Variants in SEMA3A observed in about 807,000 individuals in gnomAD.
The protein encoded by SEMA3A is semaphorin-3A.
In SEMA3A, 29 loss-of-function variants were observed where a neutral mutation model predicts 97.9. That is an observed-to-expected ratio of 0.30 (90% confidence interval 0.22 to 0.40). The LOEUF is 0.40. Ranked by LOEUF, SEMA3A falls within the 10% of genes least tolerant of loss-of-function variation. The probability of loss-of-function intolerance (pLI) is 1.00; values close to 1 mark genes in which losing one functional copy is unlikely to be tolerated. For missense variants in SEMA3A, 763 were observed against 951.3 expected (o/e 0.80, Z 2.60); for synonymous variants, 321 against 323.7 (o/e 0.99, Z 0.09).
At chr7:84,048,870 G>A (rs1338798718) in intron 5 of SEMA3A, among the ~76,000 whole-genome samples, 1 of 151,888 alleles carries the variant, frequency 6.6e-6, no homozygotes, top group Non-Finnish European at 1.5e-5. Context: ...GTCTATTCAA[G>A]AGGCAGCTGA....
rs539004251 is a variant in SEMA3A at position 84,421,518 on chromosome 7, T to C, written c.-245-49618A>G. ...TTGAATACTCTTTATTTGTTTCTCT[T>C]GCCTGATTGCCCTGGCCAGAACTTC... On this transcript the variant is annotated intron_variant, in intron 1 of 3. Coordinates refer to the SEMA3A transcript ENST00000424555. Among the ~76,000 whole-genome samples the C allele has an allele frequency of 3.0e-4, 46 of 152,234 alleles. No homozygotes were observed. In the South Asian group the frequency reaches 9.5e-3, roughly 32 times the overall value.
intron 1 of SEMA3A, among the ~76,000 whole-genome samples, chr7:84,174,673 A>C (rs963187154): frequency 2.0e-5 from 3 of 152,228 alleles, no homozygotes; most frequent in African/African-American, 7.2e-5. Flanking sequence ...TCACCTCAAA[A>C]ACAATGAAAG....
chr7:84,173,616 G>A (rs73382839), intron 1 of SEMA3A, among the ~76,000 whole-genome samples: 1,648 of 146,440 alleles, frequency 0.011, 24 homozygotes, highest in African/African-American at 0.04. Flanking sequence ...TTTTTAGAAA[G>A]ATGTATTTGA....
At position 84,440,356 on chromosome 7, in the gene SEMA3A, C is replaced by T. The variant is rs74862737; in HGVS notation, c.-246+52104G>A. On this transcript the variant is annotated intron_variant, in intron 1 of 3. Coordinates refer to the SEMA3A transcript ENST00000424555. ...AGCAGCTGTCCACATGTTCCTGGTG[C>T]AGCTTGAACACAGCTTGTGGAAGCC... Among the ~76,000 whole-genome samples the T allele has an allele frequency of 0.013, 2,051 of 152,266 alleles. 93 individuals carry two copies. In the East Asian group the frequency reaches 0.16, roughly 12 times the overall value.
At chr7:83,998,668 T>C (rs1462235716) in intron 12 of SEMA3A, among the ~76,000 whole-genome samples, 1 of 151,320 alleles carries the variant, frequency 6.6e-6, no homozygotes, top group Non-Finnish European at 1.5e-5. Context: ...TTAAAACTTT[T>C]TGATGCTTTT....
chr7:84,004,265 G>A lies in SEMA3A; in HGVS notation c.1360+1074C>T, dbSNP rs1421794946. ...ATAATATTACTATTAAAAAGAGCTG[G>A]GAAAAAATAAAATAATATATCATAA... On this transcript the variant is annotated intron_variant, in intron 11 of 16. Transcript: ENST00000265362. Among the ~76,000 whole-genome samples the A allele has an allele frequency of 3.3e-5, 5 of 151,346 alleles. No individual in the cohort carries two copies. In the East Asian group the frequency reaches 9.7e-4, roughly 29 times the overall value.
At chr7:84,103,269 G>A (rs1232294438) in intron 4 of SEMA3A, among the ~76,000 whole-genome samples, 1 of 152,010 alleles carries the variant, frequency 6.6e-6, no homozygotes, top group Admixed American at 6.5e-5. Flanking sequence ...TTGGTCCTTA[G>A]TTGGCAGAAT....
intron 1 of SEMA3A, among the ~76,000 whole-genome samples, chr7:84,186,098 A>T (rs1797877092): frequency 6.6e-6 from 1 of 152,188 alleles, no homozygotes; most frequent in African/African-American, 2.4e-5. Flanking sequence ...CTAAAAAGAA[A>T]ATCAAATCCA....
At chr7:84,296,033 C>G (rs373164452) in intron 3 of SEMA3A, among the ~76,000 whole-genome samples, 1 of 152,060 alleles carries the variant, frequency 6.6e-6, no homozygotes, top group African/African-American at 2.4e-5. Context: ...ATCACACAAT[C>G]AAGTTACTAA....
intron 4 of SEMA3A, among the ~76,000 whole-genome samples, chr7:84,079,400 T>A (rs1794071156): frequency 6.7e-6 from 1 of 150,174 alleles, no homozygotes; most frequent in Non-Finnish European, 1.5e-5. Flanking sequence ...GAAACTACCA[T>A]CAGAGTGAAC....
chr7:84,403,657 C>G (rs1237510377), intron 1 of SEMA3A, among the ~76,000 whole-genome samples: 1 of 152,178 alleles, frequency 6.6e-6, no homozygotes, highest in East Asian at 1.9e-4. Context: ...TAGGGGCGGA[C>G]TGACACCTCA....
intron 4 of SEMA3A, among the ~76,000 whole-genome samples, chr7:84,097,467 A>T (rs1189522378): frequency 2.6e-5 from 4 of 152,140 alleles, no homozygotes; most frequent in African/African-American, 9.6e-5. Flanking sequence ...ATGTCATTTC[A>T]GTGGCAGCAA....
At chr7:84,006,452 C>T (rs17220062) in intron 10 of SEMA3A, among the ~76,000 whole-genome samples, 1 of 151,586 alleles carries the variant, frequency 6.6e-6, no homozygotes. Flanking sequence ...GAATGCCCAT[C>T]ATGACCAAGC....
chr7:84,037,571 C>T (rs183641199), intron 6 of SEMA3A, among the ~76,000 whole-genome samples: 158 of 152,188 alleles, frequency 1.0e-3, no homozygotes, highest in African/African-American at 3.8e-3. Flanking sequence ...TGAAAAGTTA[C>T]ATTTTTGATG....
chr7:84,264,598 C>A (rs923151795), intron 3 of SEMA3A, among the ~76,000 whole-genome samples: 1 of 152,154 alleles, frequency 6.6e-6, no homozygotes, highest in Non-Finnish European at 1.5e-5. Flanking sequence ...AAATGCTCAT[C>A]ATAACCAAAC....
intron 4 of SEMA3A, among the ~76,000 whole-genome samples, chr7:84,061,136 C>T (rs900902678): frequency 6.6e-6 from 1 of 152,124 alleles, no homozygotes; most frequent in Admixed American, 6.6e-5. Context: ...GCCTGAAATG[C>T]CTCATTCACT....
chr7:84,185,767 C>T (rs1797863005), intron 1 of SEMA3A, among the ~76,000 whole-genome samples: 1 of 146,728 alleles, frequency 6.8e-6, no homozygotes, highest in African/African-American at 2.5e-5. Flanking sequence ...CATTATAAAT[C>T]ATTTTATGTT....
chr7:84,318,968 A>C lies in SEMA3A; in HGVS notation c.-168-11676T>G, dbSNP rs547313751. On this transcript the variant is annotated intron_variant, in intron 2 of 3. Coordinates refer to the SEMA3A transcript ENST00000424555. ...ATGTTGATTAGTTTAGCAATTTGTC[A>C]TGTATCAGGCACCAAGGCGCAGAGG... Among the ~76,000 whole-genome samples the C allele has an allele frequency of 3.3e-4, 51 of 152,312 alleles. 1 individual carries two copies. Among genetic ancestry groups the C allele is most frequent in the South Asian group, 2.1e-3 (10 of 4,824 alleles).
At chr7:83,996,112 A>C (rs1210791240) in intron 12 of SEMA3A, among the ~76,000 whole-genome samples, 1 of 152,154 alleles carries the variant, frequency 6.6e-6, no homozygotes, top group African/African-American at 2.4e-5. Flanking sequence ...TCAAAACTAA[A>C]CCATCTTTGA....
Sources: gnomAD v4.1 joint callset for allele counts (sites outside exome capture counted in the v4.1 genomes callset) on GRCh38, gnomAD v4.1.1 for gene constraint, MANE v1.5 for transcripts, NCBI Gene and HGNC (gene_info 2026-07-23, HGNC 2026-07-21) for gene names.